Variants in CD244 observed in about 807,000 individuals in gnomAD.
CD244 encodes the protein CD244 molecule.
A neutral mutation model predicts 45.5 loss-of-function variants in CD244; 20 were observed. The observed-to-expected ratio is 0.44, with a 90% CI of 0.31 to 0.64. CD244 has a LOEUF of 0.64. Among genes scored for constraint, CD244 ranks in the 30% least tolerant of loss-of-function variants. The probability of loss-of-function intolerance (pLI) is 0.08; values close to 1 mark genes in which losing one functional copy is unlikely to be tolerated. For synonymous variants in CD244, 185 were observed against 160.5 expected (o/e 1.15, Z -1.15); for missense variants, 407 against 426.9 (o/e 0.95, Z 0.41).
chr1:160,852,071 T>C (rs890697070), intron 1 of CD244, among the ~76,000 whole-genome samples: 1 of 152,026 alleles, frequency 6.6e-6, no homozygotes, highest in Non-Finnish European at 1.5e-5. Context: ...AATAGACTGA[T>C]GACAATAATA....
intron 1 of CD244, among the ~76,000 whole-genome samples, chr1:160,844,968 C>T (rs1462788445): frequency 6.6e-6 from 1 of 151,974 alleles, no homozygotes; most frequent in Non-Finnish European, 1.5e-5. Flanking sequence ...CAGAGCAAGA[C>T]CTAATCTCAA....
At chr1:160,846,580 C>T (rs924700304) in intron 1 of CD244, among the ~76,000 whole-genome samples, 4 of 152,106 alleles carry the variant, frequency 2.6e-5, no homozygotes, top group African/African-American at 9.7e-5. Context: ...GCACGAGAAT[C>T]ACTTGAACCC....
intron 5 of CD244, among the ~76,000 whole-genome samples, chr1:160,837,001 A>C (rs1669357223): frequency 6.6e-6 from 1 of 152,196 alleles, no homozygotes; most frequent in African/African-American, 2.4e-5. Flanking sequence ...CAATAACTTC[A>C]TTTGTGTTTT....
Position 160,862,640 on chromosome 1 carries a change from A to G in CD244, c.38T>C (p.Leu13Pro). ...ACCTTTGCCCTGATACACCTTGAGG[A>G]GCAGGAGGAGTATGAGGGTGACCAC... ...GQVVTLILLL[L>P]LKVYQGKGCQ... Residue 13 changes from leucine to proline, a missense_variant, in exon 1 of 9, where the codon CTC becomes CCC. Leu to Pro is a moderately conservative substitution (Grantham distance 98, BLOSUM62 -3). Coordinates refer to ENST00000368034, the MANE Select transcript of CD244 (RefSeq NM_016382.4). 6.2e-7 allele frequency: 1 copy of G among 1,614,016 alleles called. No homozygotes were observed.
intron 1 of CD244, among the ~76,000 whole-genome samples, chr1:160,849,500 G>A (rs953934039): frequency 5.9e-5 from 9 of 151,912 alleles, no homozygotes; most frequent in Non-Finnish European, 1.3e-4. Flanking sequence ...CCGTCCCTGT[G>A]CCCATATGTT....
At chr1:160,859,732 C>T (rs1382254009) in intron 1 of CD244, among the ~76,000 whole-genome samples, 10 of 142,668 alleles carry the variant, frequency 7.0e-5, no homozygotes, top group African/African-American at 2.8e-4. Flanking sequence ...CATGGGGAAA[C>T]CCTGTATCTA....
At chr1:160,856,696 T>A (rs1455061322) in intron 1 of CD244, among the ~76,000 whole-genome samples, 1 of 152,198 alleles carries the variant, frequency 6.6e-6, no homozygotes. Flanking sequence ...AGAATAGACA[T>A]CTGTTTCATC....
At chr1:160,840,431 T>C (rs1425115500) in intron 3 of CD244, among the ~76,000 whole-genome samples, 2 of 151,818 alleles carry the variant, frequency 1.3e-5, no homozygotes, top group Admixed American at 1.3e-4. Flanking sequence ...CCAGCTAATT[T>C]TTTGTATTTT....
intron 6 of CD244, among the ~76,000 whole-genome samples, chr1:160,834,432 C>T (rs755715251): frequency 1.3e-5 from 2 of 152,242 alleles, no homozygotes; most frequent in Middle Eastern, 3.4e-3. Context: ...CTTGGCTCAC[C>T]GCAACCTCTG....
chr1:160,841,434 C>A lies in CD244; in HGVS notation c.431G>T (p.Gly144Val), dbSNP rs1169053395. 6.2e-7 allele frequency: 1 copy of A among 1,614,180 alleles called. No homozygotes were observed. ...GCAAGACAGAGCCACTTGGCATCTC[C>A]CTCTGTCCAGGATCTTCCCCTGCCC... is the stretch of plus-strand genomic sequence containing the variant. Reference protein sequence around the residue: ...LQGQGKILDRGRCQVALSCLV... With the variant: ...LQGQGKILDRVRCQVALSCLV... Residue 144 changes from glycine to valine, a missense_variant, in exon 3 of 9, where the codon GGG (glycine) becomes GTG (valine). By Grantham distance (109) the Gly-to-Val change is moderately radical. Coordinates refer to ENST00000368034, the MANE Select transcript of CD244 (RefSeq NM_016382.4).
chr1:160,857,223 A>G (rs183646785), intron 1 of CD244, among the ~76,000 whole-genome samples: 1 of 152,338 alleles, frequency 6.6e-6, no homozygotes, highest in Non-Finnish European at 1.5e-5. Context: ...ACTCTCATGC[A>G]CTATTTGGTT....
chr1:160,849,752 G>A (rs998062040), intron 1 of CD244, among the ~76,000 whole-genome samples: 13 of 152,202 alleles, frequency 8.5e-5, no homozygotes, highest in African/African-American at 2.7e-4. Context: ...GAGGCTGGGC[G>A]CAGTGGCTCA....
intron 5 of CD244, among the ~76,000 whole-genome samples, chr1:160,837,313 A>G (rs1361387921): frequency 6.6e-6 from 1 of 152,068 alleles, no homozygotes; most frequent in Non-Finnish European, 1.5e-5. Context: ...AAAATAGATT[A>G]TTTTTAGCAA....
At chr1:160,840,469 G>A (rs1277627911) in intron 3 of CD244, among the ~76,000 whole-genome samples, 1 of 151,016 alleles carries the variant, frequency 6.6e-6, no homozygotes, top group Non-Finnish European at 1.5e-5. Context: ...CACCATGTTG[G>A]CCAGGCTGGT....
intron 1 of CD244, among the ~76,000 whole-genome samples, chr1:160,844,673 A>T (rs1162158882): frequency 6.6e-6 from 1 of 152,246 alleles, no homozygotes; most frequent in African/African-American, 2.4e-5. Flanking sequence ...AGCTAAGGCC[A>T]TTCTAAATCA....
chr1:160,840,554 G>A (rs528980488), intron 3 of CD244, among the ~76,000 whole-genome samples: 18 of 152,210 alleles, frequency 1.2e-4, no homozygotes, highest in African/African-American at 3.6e-4. Flanking sequence ...CACTGCGCCC[G>A]GCCTGCCTCA....
intron 5 of CD244, among the ~76,000 whole-genome samples, chr1:160,836,695 C>A (rs1669345783): frequency 6.6e-6 from 1 of 152,166 alleles, no homozygotes; most frequent in Non-Finnish European, 1.5e-5. Context: ...CAAGTCAGCG[C>A]CCTGGGCAGC....
At chr1:160,838,081 A>G (rs1466991133) in intron 5 of CD244, among the ~76,000 whole-genome samples, 1 of 152,226 alleles carries the variant, frequency 6.6e-6, no homozygotes, top group Non-Finnish European at 1.5e-5. Flanking sequence ...CTGTGTCACC[A>G]TTAAGGGACT....
chr1:160,857,588 AG>A (rs1361080361), intron 1 of CD244, among the ~76,000 whole-genome samples: 1 of 152,250 alleles, frequency 6.6e-6, no homozygotes, highest in East Asian at 1.9e-4. Context: ...GTTAGAAGTC[AG>A]AATTGTGGCT....
Sources: allele counts gnomAD v4.1 joint callset (sites outside exome capture counted in the v4.1 genomes callset), GRCh38; gene constraint gnomAD v4.1.1; transcripts MANE v1.5; gene names NCBI Gene and HGNC (gene_info 2026-07-23, HGNC 2026-07-21).